The following NBAS variants were observed in gnomAD, a reference collection of about 807,000 sequenced individuals.
The protein encoded by NBAS is NBAS subunit of NRZ tethering complex.
Under a neutral mutation model 302.5 loss-of-function variants are expected in NBAS, and 219 were observed. That is an observed-to-expected ratio of 0.72 (90% CI 0.65 to 0.81). The LOEUF is 0.81. Among genes scored for constraint, NBAS ranks in the 30% least tolerant of loss-of-function variants. The pLI is 0.00. For synonymous variants in NBAS, 1,118 were observed against 1,021.6 expected (o/e 1.09, Z -1.80); for missense variants, 2,932 against 2,841.6 (o/e 1.03, Z -0.72).
At chr2:14,803,515 A>G in the NBAS span, among the ~76,000 whole-genome samples, 1 of 152,194 alleles carries the variant, frequency 6.6e-6, no homozygotes, top group Admixed American at 6.5e-5. Flanking sequence ...ACCTTTCCCC[A>G]GGTAGTAAGC....
chr2:15,541,326 T>C (rs1035644110), intron 6 of NBAS, among the ~76,000 whole-genome samples: 12 of 152,140 alleles, frequency 7.9e-5, no homozygotes, highest in South Asian at 2.1e-4. Context: ...GTGACACCTA[T>C]GTCTCTCAGA....
the NBAS span, among the ~76,000 whole-genome samples, chr2:14,940,662 A>G: frequency 6.6e-6 from 1 of 152,090 alleles, no homozygotes; most frequent in East Asian, 1.9e-4. Flanking sequence ...CATCTCCAAC[A>G]ACACAATGCC....
chr2:14,952,446 C>A, the NBAS span, among the ~76,000 whole-genome samples: 1 of 152,182 alleles, frequency 6.6e-6, no homozygotes, highest in Non-Finnish European at 1.5e-5. Context: ...AGTTCCAGGC[C>A]CTGTGCAAAG....
At chr2:15,075,783 A>T in the NBAS span, among the ~76,000 whole-genome samples, 3 of 151,872 alleles carry the variant, frequency 2.0e-5, no homozygotes, top group Non-Finnish European at 2.9e-5. Context: ...ACACACACAC[A>T]TATACACACA....
intron 9 of NBAS, among the ~76,000 whole-genome samples, chr2:15,519,974 T>C (rs1001244567): frequency 2.6e-5 from 4 of 152,200 alleles, no homozygotes; most frequent in Non-Finnish European, 5.9e-5. Context: ...AGACAAAACA[T>C]GGGAATTTTT....
chr2:14,955,272 C>T, the NBAS span, among the ~76,000 whole-genome samples: 24 of 152,368 alleles, frequency 1.6e-4, no homozygotes, highest in South Asian at 5.0e-3. Flanking sequence ...TGGGCTCCCA[C>T]AGCCTTGGGC....
the NBAS span, among the ~76,000 whole-genome samples, chr2:14,995,604 CTG>C: frequency 3.3e-5 from 5 of 152,336 alleles, no homozygotes; most frequent in African/African-American, 1.2e-4. Context: ...CACCCACACT[CTG>C]TGCTTTGTTC....
the NBAS span, among the ~76,000 whole-genome samples, chr2:14,880,007 C>G: frequency 1.3e-5 from 2 of 152,134 alleles, no homozygotes; most frequent in South Asian, 4.1e-4. Context: ...TGGAAAAACA[C>G]CAGTTCTGGA....
intron 44 of NBAS, among the ~76,000 whole-genome samples, chr2:15,242,491 C>T (rs1243193974): frequency 6.6e-6 from 1 of 151,972 alleles, no homozygotes; most frequent in African/African-American, 2.4e-5. Flanking sequence ...TTTGTAAAAA[C>T]AGGTTCATTG....
At chr2:15,339,051 T>C (rs13405125) in intron 35 of NBAS, among the ~76,000 whole-genome samples, 19,082 of 152,004 alleles carry the variant, frequency 0.13, 3,563 homozygotes, top group African/African-American at 0.4. Context: ...AAGCATACTA[T>C]TTCAGGGGAT....
chr2:14,940,753 G>A, the NBAS span, among the ~76,000 whole-genome samples: 1 of 152,182 alleles, frequency 6.6e-6, no homozygotes, highest in African/African-American at 2.4e-5. Context: ...TGCTCCCGAT[G>A]TATGGTGCCC....
intron 9 of NBAS, among the ~76,000 whole-genome samples, chr2:15,531,091 ACATGAAGATAAAATAAAGC>A (rs1183204109): frequency 6.6e-6 from 1 of 152,232 alleles, no homozygotes; most frequent in Non-Finnish European, 1.5e-5. Flanking sequence ...TCAATTAAGC[ACATGAAGATAAAATAAAGC>A]CATTTTCAGA....
the NBAS span, among the ~76,000 whole-genome samples, chr2:15,140,691 C>A: frequency 6.6e-6 from 1 of 152,022 alleles, no homozygotes; most frequent in African/African-American, 2.4e-5. Context: ...TCTACATGAC[C>A]CTGGTGGATA....
At chr2:15,120,695 G>C in the NBAS span, among the ~76,000 whole-genome samples, 807 of 152,308 alleles carry the variant, frequency 5.3e-3, 8 homozygotes, top group African/African-American at 0.019. Context: ...AGTGAAAAAG[G>C]ATGGAGTGTA....
the NBAS span, among the ~76,000 whole-genome samples, chr2:15,040,404 G>A: frequency 6.6e-6 from 1 of 152,184 alleles, no homozygotes; most frequent in African/African-American, 2.4e-5. Flanking sequence ...TCTGATCAAA[G>A]AAGTCTTGGC....
the NBAS span, among the ~76,000 whole-genome samples, chr2:14,924,411 A>G: frequency 6.6e-6 from 1 of 152,258 alleles, no homozygotes; most frequent in East Asian, 1.9e-4. Flanking sequence ...CTCACAGCTG[A>G]ATCCACAGAG....
At chr2:15,443,381 A>C (rs1678544847) in intron 21 of NBAS, among the ~76,000 whole-genome samples, 1 of 151,970 alleles carries the variant, frequency 6.6e-6, no homozygotes, top group South Asian at 2.1e-4. Flanking sequence ...CCAGCATATA[A>C]ACAGAACCAA....
At chr2:15,081,271 T>G in the NBAS span, among the ~76,000 whole-genome samples, 1 of 152,224 alleles carries the variant, frequency 6.6e-6, no homozygotes. Context: ...TCCTCACTCT[T>G]CACTATAAGT....
the NBAS span, among the ~76,000 whole-genome samples, chr2:14,845,826 G>A: frequency 1.3e-5 from 2 of 151,920 alleles, no homozygotes; most frequent in Admixed American, 6.6e-5. Flanking sequence ...AAGAATTAGT[G>A]AGCTTAAAGG....
Sources: gnomAD v4.1 joint callset for allele counts (sites outside exome capture counted in the v4.1 genomes callset) on GRCh38, gnomAD v4.1.1 for gene constraint, MANE v1.5 for transcripts, NCBI Gene and HGNC (gene_info 2026-07-23, HGNC 2026-07-21) for gene names.